SPATA6L: variants seen among roughly 807,000 people sequenced by gnomAD.
The protein encoded by SPATA6L is spermatogenesis associated 6-like protein.
Under a neutral mutation model 49.2 loss-of-function variants are expected in SPATA6L, and 68 were observed. That is an observed-to-expected ratio of 1.38 (90% confidence interval 1.14 to 1.69). The LOEUF (loss-of-function observed/expected upper bound fraction) is 1.69. Among genes scored for constraint, SPATA6L ranks in the 40% most tolerant of loss-of-function variants. The pLI is 0.00. For missense variants in SPATA6L, 668 were observed against 464.3 expected, an observed-to-expected ratio of 1.44 and a Z score of -4.03; for synonymous variants, 198 against 165.7, an observed-to-expected ratio of 1.19 and a Z score of -1.50.
In SPATA6L at chr9:4,639,917, C is replaced by T. The variant is rs185218693; in HGVS notation, c.227-4518G>A. Among the ~76,000 whole-genome samples, 128 of 152,332 alleles carry T rather than the reference C, an allele frequency of 8.4e-4. 2 individuals carry two copies. Among genetic ancestry groups the T allele is most frequent in the African/African-American group, 2.8e-3 (117 of 41,562 alleles). On this transcript the variant is annotated intron_variant, in intron 3 of 11. Coordinates refer to ENST00000682582, the MANE Select transcript of SPATA6L (RefSeq NM_001353486.2). ...CTGAGGCTCTGAGAGTTTGACCTGT[C>T]ATGATGCCACACGGCTAGTGATACC...
At chr9:4,588,941 G>A (rs552647977) in exon 14 of SPATA6L, 1 of 152,228 alleles carries the variant, frequency 6.6e-6, no homozygotes, top group African/African-American at 2.4e-5. Flanking sequence ...TTGCTTTGCA[G>A]GGGCTCAAGA....
At chr9:4,590,802 T>G (rs1442359868) in intron 13 of SPATA6L, among the ~76,000 whole-genome samples, 3 of 152,206 alleles carry the variant, frequency 2.0e-5, no homozygotes. Flanking sequence ...TCAACTAAAC[T>G]GAGCAGTAGT....
chr9:4,621,323 C>T (rs1474750330), intron 7 of SPATA6L, among the ~76,000 whole-genome samples: 1 of 152,156 alleles, frequency 6.6e-6, no homozygotes, highest in Non-Finnish European at 1.5e-5. Flanking sequence ...CCAGGGGTAC[C>T]CAAGACCTTT....
chr9:4,611,459 T>A (rs1423685945), intron 9 of SPATA6L, among the ~76,000 whole-genome samples: 1 of 149,494 alleles, frequency 6.7e-6, no homozygotes, highest in African/African-American at 2.6e-5. Flanking sequence ...CACGGAATAC[T>A]ATGCAGCCAT....
rs145231786 is a variant in SPATA6L at position 4,600,214 on chromosome 9, T to G, written c.*597A>C. Among the ~76,000 whole-genome samples the G allele has an allele frequency of 6.0e-3, 921 of 152,274 alleles. 15 individuals are homozygous for G. The highest frequency in any genetic ancestry group is 0.021 in the African/African-American group (881 of 41,552). On this transcript the variant is annotated 3_prime_UTR_variant, in exon 12 of 12. Coordinates refer to ENST00000682582, the MANE Select transcript of SPATA6L (RefSeq NM_001353486.2). ...AAACTACGCTCCAGAGGAGCCAGCC[T>G]CCTCTTACAAATTTATCACAGACAT...
chr9:4,602,849 T>C (rs1285679733), intron 11 of SPATA6L, among the ~76,000 whole-genome samples: 7 of 152,206 alleles, frequency 4.6e-5, no homozygotes, highest in African/African-American at 1.4e-4. Flanking sequence ...GCCTCAGTTT[T>C]CCTATCTGTA....
At chr9:4,610,686 T>G (rs951446901) in intron 9 of SPATA6L, among the ~76,000 whole-genome samples, 17 of 152,224 alleles carry the variant, frequency 1.1e-4, no homozygotes, top group African/African-American at 3.9e-4. Flanking sequence ...CCTAAAACCA[T>G]AAAAACCCTA....
At chr9:4,604,597 G>C (rs1164941087) in intron 10 of SPATA6L, among the ~76,000 whole-genome samples, 1 of 152,106 alleles carries the variant, frequency 6.6e-6, no homozygotes, top group Non-Finnish European at 1.5e-5. Flanking sequence ...GGGAATTAAA[G>C]CAAAGCCAAT....
chr9:4,597,583 G>C (rs1156784872), downstream of SPATA6L, among the ~76,000 whole-genome samples: 3 of 152,156 alleles, frequency 2.0e-5, no homozygotes, highest in Non-Finnish European at 4.4e-5. Flanking sequence ...ATTAAGCATA[G>C]GTTCTTTCCT....
chr9:4,662,382 A>G lies in SPATA6L; in HGVS notation c.40-346T>C. Reference sequence around the variant, plus strand: ...ATCCGGGCCGCCAGCTGCGATGCCAAGTCCCCGGAGGAGCATGGAGGGACG... The same window carrying G: ...ATCCGGGCCGCCAGCTGCGATGCCAGGTCCCCGGAGGAGCATGGAGGGACG... On this transcript the variant is annotated intron_variant, in intron 1 of 11. Coordinates refer to ENST00000682582, the MANE Select transcript of SPATA6L (RefSeq NM_001353486.2). This position sits in a 1 kb window ranked among gnomAD's most constrained non-coding sequence, Gnocchi z 4.9. The G allele has an allele frequency of 6.6e-7, 1 of 1,517,974 alleles. No homozygotes were observed. Among genetic ancestry groups the G allele is most frequent in the Non-Finnish European group, 8.8e-7 (1 of 1,140,546 alleles). The allele number at this position is 1,517,974 out of a possible 1,614,324, so 94.0% of individuals were successfully genotyped here. A position where few individuals can be genotyped will look rare whatever the true frequency, so the allele number is the denominator to read the frequency against.
chr9:4,610,874 G>A (rs1826544927), intron 9 of SPATA6L, among the ~76,000 whole-genome samples: 2 of 151,478 alleles, frequency 1.3e-5, no homozygotes, highest in African/African-American at 4.9e-5. Context: ...TACAAAATGG[G>A]AGAAAATTTT....
chr9:4,607,392 G>T (rs1265430670), intron 9 of SPATA6L, among the ~76,000 whole-genome samples: 1 of 152,042 alleles, frequency 6.6e-6, no homozygotes, highest in Non-Finnish European at 1.5e-5. Flanking sequence ...GGCAGCCAGA[G>T]AGAAAGGTCG....
chr9:4,605,476 A>G (rs1357423393), intron 9 of SPATA6L, 36 bp from the exon 10 acceptor site: 1 of 1,501,724 alleles, frequency 6.7e-7, no homozygotes, highest in Admixed American at 1.7e-5. Flanking sequence ...AATATTAAGC[A>G]GCTACTAAAA....
At chr9:4,651,198 G>A (rs1836770246) in intron 3 of SPATA6L, among the ~76,000 whole-genome samples, 1 of 151,868 alleles carries the variant, frequency 6.6e-6, no homozygotes, top group African/African-American at 2.4e-5. Context: ...TATGGATGGG[G>A]GCTCCCATAA....
chr9:4,613,487 T>G (rs1320583735), intron 9 of SPATA6L, among the ~76,000 whole-genome samples: 2 of 151,910 alleles, frequency 1.3e-5, no homozygotes, highest in African/African-American at 4.8e-5. Flanking sequence ...TCTACACAAA[T>G]CCATTGCCAA....
chr9:4,613,362 T>G (rs185271614), intron 9 of SPATA6L, among the ~76,000 whole-genome samples: 1 of 152,194 alleles, frequency 6.6e-6, no homozygotes, highest in African/African-American at 2.4e-5. Context: ...CCCTGTGCAG[T>G]TGCCCCTCTG....
chr9:4,605,837 T>C (rs1824684530), intron 9 of SPATA6L, among the ~76,000 whole-genome samples: 1 of 152,216 alleles, frequency 6.6e-6, no homozygotes, highest in African/African-American at 2.4e-5. Flanking sequence ...ACAGCTCCGG[T>C]CTCCAGCTCC....
chr9:4,627,083 A>C (rs1830487093), intron 5 of SPATA6L: 1 of 152,338 alleles, frequency 6.6e-6, no homozygotes, highest in Non-Finnish European at 1.5e-5. Flanking sequence ...AAAAAAACAG[A>C]CAGTGTGGTG....
intron 8 of SPATA6L, 92 bp downstream of exon 8, chr9:4,618,772 T>A: frequency 8.4e-7 from 1 of 1,189,566 alleles, no homozygotes; most frequent in South Asian, 1.3e-5. Context: ...GCAGACTAAC[T>A]AGAAATATCC....
Sources: gnomAD v4.1 joint callset for allele counts (sites outside exome capture counted in the v4.1 genomes callset) on GRCh38, gnomAD v4.1.1 for gene constraint, Gnocchi (gnomAD v3.1) non-coding constraint, MANE v1.5 for transcripts, NCBI Gene and HGNC (gene_info 2026-07-23, HGNC 2026-07-21) for gene names.